GPSM2: variants seen among roughly 807,000 people sequenced by gnomAD.
The protein encoded by GPSM2 is G protein signaling modulator 2, also known as G protein-signaling modulator 2.
GPSM2 carries 58 observed loss-of-function variants against 78.4 expected under a neutral mutation model. The ratio of observed to expected loss-of-function variants is 0.74; its 90% confidence interval spans 0.60 to 0.92. The LOEUF (loss-of-function observed/expected upper bound fraction) is 0.92. Ranked by LOEUF, GPSM2 falls within the 40% of genes least tolerant of loss-of-function variation. GPSM2 has a pLI of 0.00. For synonymous variants in GPSM2, 224 were observed against 280.2 expected (o/e 0.80, Z 2.00); for missense variants, 700 against 815.5 (o/e 0.86, Z 1.73).
At position 108,924,218 on chromosome 1, in the gene GPSM2, T is replaced by C. The variant is rs946296491; in HGVS notation, c.1815+4T>C. On this transcript the variant is annotated splice_donor_region_variant and intron_variant, in intron 14 of 14. Transcript: ENST00000264126. ...TGACATCCTTGTAAAATGTCAAGTA[T>C]GTCTGTATATTTTTTTCGTTCTGCA... The C allele has an allele frequency of 6.3e-7, 1 of 1,587,256 alleles. No homozygotes were observed. Among genetic ancestry groups the C allele is most frequent in the Non-Finnish European group, 8.7e-7 (1 of 1,155,594 alleles).
chr1:108,879,523 A>G (rs536555917), intron 1 of GPSM2, among the ~76,000 whole-genome samples: 52 of 152,332 alleles, frequency 3.4e-4, no homozygotes, highest in African/African-American at 1.1e-3. Flanking sequence ...AATACCAGCA[A>G]GGTTCCCCAT....
intron 2 of GPSM2, among the ~76,000 whole-genome samples, chr1:108,889,943 A>C (rs971289409): frequency 3.9e-5 from 6 of 152,086 alleles, no homozygotes; most frequent in Non-Finnish European, 7.4e-5. Flanking sequence ...GGTTTCCTGC[A>C]TGTCATGCTG....
intron 7 of GPSM2, 151 bp downstream of exon 7, chr1:108,899,145 TG>T (rs1648605194): frequency 1.6e-6 from 1 of 641,610 alleles, no homozygotes; most frequent in Admixed American, 2.6e-5. Context: ...TACTTCATTT[TG>T]GGGAATGCTG....
At chr1:108,915,433 TTTTG>T (rs1243259892) in intron 11 of GPSM2, among the ~76,000 whole-genome samples, 1 of 151,498 alleles carries the variant, frequency 6.6e-6, no homozygotes, top group South Asian at 2.1e-4. Flanking sequence ...TTTTTTTCTT[TTTTG>T]TTTTTTTTGA....
rs534720025 is a variant in GPSM2 at position 108,924,646 on chromosome 1, G to T, written c.1815+432G>T. On this transcript the variant is annotated intron_variant, in intron 14 of 14. Transcript: ENST00000264126. ...AGACCTGAATGCAGTGAAGCAGTCA[G>T]CCATGTGAGTATCTAGAGAAAGAGT... Among the ~76,000 whole-genome samples the T allele has an allele frequency of 2.0e-5, 3 of 152,292 alleles. No individual in the cohort carries two copies. The South Asian group carries it at 6.2e-4, about 32-fold the overall frequency.
intron 7 of GPSM2, 56 bp downstream of exon 7, chr1:108,899,050 C>T: frequency 9.5e-7 from 1 of 1,050,496 alleles, no homozygotes; most frequent in Non-Finnish European, 1.5e-6. Flanking sequence ...CCCATTAATT[C>T]ATAGGCTTTA....
Position 108,918,663 on chromosome 1 carries a change from CA to C in GPSM2, c.1317del (p.Lys439AsnfsTer12), listed in dbSNP as rs1557876321. ...TTGCTAAGCAAAAACCTCTTATTGC[CA>C]AACCTTCTGCAAAGCTACTCTTTGT... ...ILAKQKPLIA[K>X]PSAKLLFVNR... On this transcript the variant is annotated frameshift_variant, in exon 12 of 15. Transcript: ENST00000264126. LOFTEE classifies it high-confidence loss of function. 6.2e-7 allele frequency: 1 copy of C among 1,613,168 alleles called. No homozygotes were observed. Among genetic ancestry groups the C allele is most frequent in the African/African-American group, 1.3e-5 (1 of 74,902 alleles).
Position 108,930,101 on chromosome 1 carries a change from C to A in GPSM2, c.*161C>A. ...GTAGTCTATTAAGGCATTAATACTTCTCTGGACATGCGCGTTTGAGGGTGG... is the reference window on the plus strand; with the variant it reads ...GTAGTCTATTAAGGCATTAATACTTATCTGGACATGCGCGTTTGAGGGTGG... On this transcript the variant is annotated 3_prime_UTR_variant, in exon 15 of 15. Coordinates refer to ENST00000264126, the MANE Select transcript of GPSM2 (RefSeq NM_013296.5). 2 of 681,330 alleles carry A rather than the reference C, an allele frequency of 2.9e-6. No homozygotes were observed. Among genetic ancestry groups the A allele is most frequent in the Non-Finnish European group, 2.4e-6 (1 of 409,416 alleles). 42.2% of individuals were successfully genotyped at this position (681,330 alleles called of 1,614,324 possible).
chr1:108,926,350 T>G (rs1377287913), intron 14 of GPSM2: 1 of 152,118 alleles, frequency 6.6e-6, no homozygotes, highest in Non-Finnish European at 1.5e-5. Flanking sequence ...GACTTAAGAA[T>G]CTAGGCTGTA....
At chr1:108,916,109 C>A (rs1470867234) in intron 11 of GPSM2, among the ~76,000 whole-genome samples, 2 of 150,108 alleles carry the variant, frequency 1.3e-5, no homozygotes, top group East Asian at 3.9e-4. Flanking sequence ...GAAAAATTAG[C>A]TGGGCCTGGT....
At chr1:108,883,258 C>T (rs757673941) in intron 1 of GPSM2, among the ~76,000 whole-genome samples, 2 of 152,192 alleles carry the variant, frequency 1.3e-5, no homozygotes, top group Non-Finnish European at 2.9e-5. Context: ...TCACCTTCTG[C>T]TCTGTTCCCT....
At chr1:108,917,499 G>A (rs951005960) in intron 11 of GPSM2, among the ~76,000 whole-genome samples, 4 of 149,582 alleles carry the variant, frequency 2.7e-5, no homozygotes, top group Admixed American at 6.8e-5. Context: ...CCTGGGAGGC[G>A]GAGGTTGCAG....
At chr1:108,908,792 C>A (rs986421272) in intron 10 of GPSM2, among the ~76,000 whole-genome samples, 1 of 148,618 alleles carries the variant, frequency 6.7e-6, no homozygotes, top group Non-Finnish European at 1.5e-5. Flanking sequence ...ATCACTTGAG[C>A]CCAGGAGTTT....
At chr1:108,920,255 A>T (rs747553482) in intron 12 of GPSM2, among the ~76,000 whole-genome samples, 5 of 152,126 alleles carry the variant, frequency 3.3e-5, no homozygotes, top group Non-Finnish European at 7.4e-5. Flanking sequence ...GATCACTTGA[A>T]GTCAGGAGTT....
rs12743716 is a variant in GPSM2 at position 108,930,905 on chromosome 1, C to T, written c.*965C>T. 51,916 of 150,138 alleles carry T rather than the reference C, an allele frequency of 0.35. 10,640 individuals carry two copies. Among genetic ancestry groups the T allele is most frequent in the African/African-American group, 0.57 (23,121 of 40,574 alleles). 9.3% of individuals were successfully genotyped at this position (150,138 alleles called of 1,614,324 possible). ...GACTCTGTCTCAAAAAAAAAAAAAA[C>T]AGCAAGCATGCTGGCACACACCTGT... On this transcript the variant is annotated 3_prime_UTR_variant, in exon 15 of 15. Coordinates refer to ENST00000264126, the MANE Select transcript of GPSM2 (RefSeq NM_013296.5).
Position 108,929,875 on chromosome 1 carries a change from G to T in GPSM2, c.1990G>T (p.Asp664Tyr), listed in dbSNP as rs1443228788. 1 of 1,613,632 alleles carries T rather than the reference G, an allele frequency of 6.2e-7. No individual in the cohort carries two copies. Among genetic ancestry groups the T allele is most frequent in the African/African-American group, 1.3e-5 (1 of 74,898 alleles). ...QNRDTDFGLKDFLQNNALLEF... is the reference protein window; with the variant it reads ...QNRDTDFGLKYFLQNNALLEF... The stretch of plus-strand genomic sequence containing the variant: ...CAGAGACACTGACTTTGGGCTAAAG[G>T]ACTTTTTGCAAAATAATGCTTTGTT... The change falls in exon 15 of 15, where the codon GAC (aspartate) becomes TAC (tyrosine). Residue 664 changes from aspartate to tyrosine, a missense_variant. Asp to Tyr is a radical substitution (Grantham distance 160). Transcript: ENST00000264126.
At chr1:108,887,340 G>A (rs1647641600) in intron 2 of GPSM2, among the ~76,000 whole-genome samples, 2 of 152,156 alleles carry the variant, frequency 1.3e-5, no homozygotes, top group South Asian at 4.1e-4. Flanking sequence ...GGCAGGTGGG[G>A]GAGGTAGAGC....
intron 1 of GPSM2, among the ~76,000 whole-genome samples, chr1:108,879,837 A>G (rs545888839): frequency 2.6e-4 from 40 of 152,298 alleles, no homozygotes; most frequent in Non-Finnish European, 5.4e-4. Context: ...GGGGCTGAAT[A>G]TGAATATATG....
chr1:108,897,125 T>C, intron 3 of GPSM2, 40 bp downstream of exon 3: 4 of 1,366,886 alleles, frequency 2.9e-6, no homozygotes, highest in Non-Finnish European at 4.2e-6. Flanking sequence ...CCTTCTGAAA[T>C]TAGCTATTAC....
Sources: allele counts gnomAD v4.1 joint callset (sites outside exome capture counted in the v4.1 genomes callset), GRCh38; gene constraint gnomAD v4.1.1; transcripts MANE v1.5; gene names NCBI Gene and HGNC (gene_info 2026-07-23, HGNC 2026-07-21).